Variants in KRIT1 observed in about 807,000 individuals in gnomAD.
KRIT1 encodes krev interaction trapped protein 1.
KRIT1 carries 45 observed loss-of-function variants against 95.8 expected under a neutral mutation model. The observed-to-expected ratio is 0.47, with a 90% CI of 0.37 to 0.60. KRIT1 has a LOEUF of 0.60. KRIT1 is among the 20% of genes least tolerant of loss of function. The pLI is 0.00. For missense variants in KRIT1, 788 were observed against 877.5 expected (o/e 0.90, Z 1.29); for synonymous variants, 282 against 278.8 (o/e 1.01, Z -0.11).
intron 2 of KRIT1, among the ~76,000 whole-genome samples, chr7:92,244,496 C>T (rs1800418782): frequency 6.6e-6 from 1 of 152,146 alleles, no homozygotes; most frequent in Non-Finnish European, 1.5e-5. Context: ...TTTACCATAT[C>T]CCCAAAATAT....
upstream of KRIT1, chr7:92,246,017 G>A (rs553392669): frequency 2.3e-3 from 604 of 257,024 alleles, 3 homozygotes; most frequent in Non-Finnish European, 3.5e-3. Context: ...CTTTTCACTG[G>A]ACCTGCAGTC....
At chr7:92,216,000 T>C (rs1584817904) in intron 14 of KRIT1, among the ~76,000 whole-genome samples, 1 of 151,936 alleles carries the variant, frequency 6.6e-6, no homozygotes, top group African/African-American at 2.4e-5. Context: ...GAGGCCGAGG[T>C]GGGCGGATCA....
chr7:92,234,640 T>C (rs768025663), intron 9 of KRIT1, 48 bp from the exon 10 acceptor site: 3 of 1,543,796 alleles, frequency 1.9e-6, no homozygotes, highest in African/African-American at 2.7e-5. Context: ...ACTGTAAAAA[T>C]TGTTTCAAAA....
In KRIT1 at chr7:92,200,900, G is replaced by C. The variant is rs1789990303; in HGVS notation, c.2143-96C>G. ...GGCAGTTCCCTATCTATTTGAAAGG[G>C]AACTTTCTTATCAGGAGACAGCTTG... is the stretch of plus-strand genomic sequence containing the variant. On this transcript the variant is annotated intron_variant, in intron 18 of 18. Coordinates refer to ENST00000394505, the MANE Select transcript of KRIT1 (RefSeq NM_194454.3). The C allele has an allele frequency of 5.9e-6, 5 of 849,136 alleles. No individual in the cohort carries two copies. In the Admixed American group the frequency reaches 8.0e-5, roughly 14 times the overall value. The allele number at this position is 849,136 out of a possible 1,614,324, so 52.6% of individuals were successfully genotyped here.
downstream of KRIT1, chr7:92,199,008 G>C (rs1033569768): frequency 2.6e-5 from 4 of 152,212 alleles, no homozygotes; most frequent in Admixed American, 2.0e-4. Flanking sequence ...GAAGCAAATA[G>C]AGGAAATAAA....
chr7:92,244,247 A>G (rs1228534688), intron 2 of KRIT1, 98 bp from the exon 3 acceptor site: 1 of 152,256 alleles, frequency 6.6e-6, no homozygotes, highest in Non-Finnish European at 1.5e-5. Flanking sequence ...GACCTAAAAG[A>G]AAAATCAAGT....
rs551117636 is a variant in KRIT1, at chr7:92,216,881, T to A, written c.1564-2104A>T. The stretch of plus-strand genomic sequence containing the variant: ...TTACAATTTCCAATACCATGTTCAA[T>A]GAGTTTTAGTCACCATTTTTTCGTT... On this transcript the variant is annotated intron_variant, in intron 14 of 18. Transcript: ENST00000394505. 8.5e-5 allele frequency among the ~76,000 whole-genome samples: 13 copies of A among 152,328 alleles called. No homozygotes were observed. In the South Asian group the frequency reaches 2.5e-3, roughly 29 times the overall value.
At chr7:92,237,887 T>C in intron 5 of KRIT1, 128 bp from the exon 6 acceptor site, 1 of 624,044 alleles carries the variant, frequency 1.6e-6, no homozygotes, top group African/African-American at 1.9e-5. Flanking sequence ...ACTAAGTCAA[T>C]TTTATTATAT....
intron 17 of KRIT1, among the ~76,000 whole-genome samples, chr7:92,209,022 G>A (rs998999989): frequency 6.6e-5 from 10 of 152,040 alleles, no homozygotes; most frequent in African/African-American, 2.2e-4. Context: ...ATGCCCGGGA[G>A]GTGAGGATGA....
chr7:92,200,208 T>G lies in KRIT1; in HGVS notation c.*528A>C, dbSNP rs947123402. ...ATTATACAGACTATCAATCTATAAC[T>G]TTTTGTGTTTCTCTCAAAAATTAGA... On this transcript the variant is annotated 3_prime_UTR_variant, in exon 19 of 19. Coordinates refer to ENST00000394505, the MANE Select transcript of KRIT1 (RefSeq NM_194454.3). 1 of 156,260 alleles carries G rather than the reference T, an allele frequency of 6.4e-6. No individual in the cohort carries two copies. Among genetic ancestry groups the G allele is most frequent in the African/African-American group, 2.4e-5 (1 of 41,460 alleles). The allele number at this position is 156,260 out of a possible 1,614,324, so 9.7% of individuals were successfully genotyped here.
chr7:92,219,504 T>C (rs891966722), intron 14 of KRIT1, among the ~76,000 whole-genome samples: 2 of 152,264 alleles, frequency 1.3e-5, no homozygotes, highest in Non-Finnish European at 2.9e-5. Flanking sequence ...TCTGTATGTT[T>C]ATCCTTATGC....
intron 17 of KRIT1, among the ~76,000 whole-genome samples, chr7:92,202,731 T>TA (rs921943284): frequency 1.3e-5 from 2 of 152,054 alleles, no homozygotes; most frequent in African/African-American, 4.8e-5. Flanking sequence ...TCTAAATAAA[T>TA]AAATAAAATA....
intron 17 of KRIT1, 88 bp downstream of exon 17, chr7:92,213,107 T>C (rs1464729435): frequency 2.3e-6 from 2 of 868,174 alleles, no homozygotes; most frequent in Non-Finnish European, 3.9e-6. Context: ...GTCTTGTATA[T>C]ATGCCATTTC....
chr7:92,233,159 TATAC>T (rs967138370), intron 10 of KRIT1, among the ~76,000 whole-genome samples: 9 of 56,986 alleles, frequency 1.6e-4, no homozygotes, highest in African/African-American at 6.3e-4. Context: ...AAGATCTTTT[TATAC>T]ACACACACAC....
intron 15 of KRIT1, among the ~76,000 whole-genome samples, chr7:92,214,358 C>T (rs1206233488): frequency 1.3e-5 from 2 of 151,886 alleles, no homozygotes; most frequent in Non-Finnish European, 2.9e-5. Context: ...TTTTAGTGAA[C>T]TTATTTAAGC....
At chr7:92,215,311 G>A (rs1037892342) in intron 14 of KRIT1, among the ~76,000 whole-genome samples, 10 of 152,066 alleles carry the variant, frequency 6.6e-5, no homozygotes, top group African/African-American at 2.4e-4. Context: ...TATTAACTAT[G>A]CTTCATACAA....
intron 17 of KRIT1, among the ~76,000 whole-genome samples, chr7:92,203,331 T>A (rs1790642483): frequency 6.6e-6 from 1 of 152,248 alleles, no homozygotes; most frequent in African/African-American, 2.4e-5. Context: ...TTCCCACATT[T>A]GACGGCTGAA....
chr7:92,201,773 G>T (rs1415044427), intron 17 of KRIT1, among the ~76,000 whole-genome samples: 2 of 151,920 alleles, frequency 1.3e-5, no homozygotes, highest in African/African-American at 4.8e-5. Flanking sequence ...ACTTATGAGT[G>T]AGAACATGCG....
rs1789917877 is a variant in KRIT1, at chr7:92,200,579, T to C, written c.*157A>G. On this transcript the variant is annotated 3_prime_UTR_variant, in exon 19 of 19. Coordinates refer to ENST00000394505, the MANE Select transcript of KRIT1 (RefSeq NM_194454.3). ...TGTTGGCCAGGCTGGTCTTGAACTC[T>C]GACTTCAGGTGATCCGCCTGCCCCA... 1 of 657,794 alleles carries C rather than the reference T, an allele frequency of 1.5e-6. No homozygotes were observed. Among genetic ancestry groups the C allele is most frequent in the Non-Finnish European group, 2.8e-6 (1 of 357,500 alleles). 40.7% of individuals were successfully genotyped at this position (657,794 alleles called of 1,614,324 possible). A position where few individuals can be genotyped will look rare whatever the true frequency, so the allele number is the denominator to read the frequency against.
Sources: allele counts gnomAD v4.1 joint callset (sites outside exome capture counted in the v4.1 genomes callset), GRCh38; gene constraint gnomAD v4.1.1; transcripts MANE v1.5; gene names NCBI Gene and HGNC (gene_info 2026-07-23, HGNC 2026-07-21).